IGSF11: variants seen among roughly 807,000 people sequenced by gnomAD.
IGSF11 encodes the protein CXADR like 1.
IGSF11 carries 22 observed loss-of-function variants against 41.0 expected under a neutral mutation model. The ratio of observed to expected loss-of-function variants is 0.54; its 90% CI spans 0.38 to 0.77. The LOEUF is 0.77. IGSF11 is among the 30% of genes least tolerant of loss of function. IGSF11 has a pLI of 0.00. For missense variants in IGSF11, 444 were observed against 530.8 expected (o/e 0.84, Z 1.61); for synonymous variants, 219 against 201.3 (o/e 1.09, Z -0.74).
rs370456806 is a variant in IGSF11 at position 118,926,299 on chromosome 3, G to A, written c.425-43C>T. 11 of 1,466,060 alleles carry A rather than the reference G, an allele frequency of 7.5e-6. No homozygotes were observed. In the African/African-American group the frequency reaches 8.5e-5, roughly 11 times the overall value. 90.8% of individuals were successfully genotyped at this position (1,466,060 alleles called of 1,614,324 possible). ...AGCAATAAAGTACACATTTTACTGT[G>A]AGCCATGTGATGATGGAGGAGACAT... On this transcript the variant is annotated intron_variant, in intron 3 of 6. Transcript: ENST00000393775.
At chr3:119,046,229 G>C (rs1247593585) in intron 1 of IGSF11, among the ~76,000 whole-genome samples, 3 of 148,568 alleles carry the variant, frequency 2.0e-5, no homozygotes, top group South Asian at 2.2e-4. Context: ...CAAAGGCAAA[G>C]AAGTTGAAAA....
upstream of IGSF11, among the ~76,000 whole-genome samples, chr3:119,035,303 A>G (rs1940843036): frequency 6.6e-6 from 1 of 152,244 alleles, no homozygotes; most frequent in Non-Finnish European, 1.5e-5. Flanking sequence ...TAAAACCTAA[A>G]TAATCTGAAA....
intron 1 of IGSF11, among the ~76,000 whole-genome samples, chr3:119,052,001 G>T (rs1270542052): frequency 6.6e-6 from 1 of 152,072 alleles, no homozygotes; most frequent in Non-Finnish European, 1.5e-5. Context: ...AAAGTTCATA[G>T]CATTAAATGC....
chr3:119,092,739 C>T (rs543707459), intron 1 of IGSF11, among the ~76,000 whole-genome samples: 1 of 152,318 alleles, frequency 6.6e-6, no homozygotes, highest in South Asian at 2.1e-4. Context: ...GTCCTGCAAG[C>T]TCCATTCATG....
Position 118,930,304 on chromosome 3 carries a change from T to C in IGSF11, c.53-29A>G, listed in dbSNP as rs928525694. The stretch of plus-strand genomic sequence containing the variant: ...CAGAAGAAGGAACAGGGAGGTTATA[T>C]GCTCGCCCTTTCCCAACAGTCCAAA... On this transcript the variant is annotated intron_variant, in intron 1 of 6. Coordinates refer to ENST00000393775, the MANE Select transcript of IGSF11 (RefSeq NM_001015887.3). 4.4e-6 allele frequency: 7 copies of C among 1,589,478 alleles called. No individual in the cohort carries two copies. The East Asian group carries it at 6.7e-5, about 15-fold the overall frequency.
chr3:118,952,514 G>T lies in IGSF11; in HGVS notation c.53-22239C>A, dbSNP rs150215298. On this transcript the variant is annotated intron_variant, in intron 1 of 6. Coordinates refer to ENST00000393775, the MANE Select transcript of IGSF11 (RefSeq NM_001015887.3). The stretch of plus-strand genomic sequence containing the variant: ...TCACCAGGAGTAGATTCCATCTCAA[G>T]AAACCATTTTCTTTGCTCATCCAGA... Among the ~76,000 whole-genome samples the T allele has an allele frequency of 3.0e-3, 459 of 152,210 alleles. 2 individuals carry two copies. The highest frequency in any genetic ancestry group is 0.014 in the Middle Eastern group (4 of 294).
chr3:119,032,523 C>T (rs902767463), intron 1 of IGSF11, among the ~76,000 whole-genome samples: 1 of 152,126 alleles, frequency 6.6e-6, no homozygotes, highest in African/African-American at 2.4e-5. Context: ...CTATCTTGCC[C>T]CCAACTACTT....
At chr3:119,061,879 T>C (rs946549375) in intron 1 of IGSF11, among the ~76,000 whole-genome samples, 3 of 152,146 alleles carry the variant, frequency 2.0e-5, no homozygotes, top group Non-Finnish European at 1.5e-5. Context: ...TAGTGTATAT[T>C]TCTTGATGTC....
intron 3 of IGSF11, among the ~76,000 whole-genome samples, chr3:118,927,099 G>C (rs561801132): frequency 4.1e-4 from 62 of 151,982 alleles, no homozygotes; most frequent in African/African-American, 1.4e-3. Context: ...AAAAAAAAAA[G>C]TGGGTAGGGG....
At chr3:119,105,420 A>C (rs560306297), upstream of IGSF11, among the ~76,000 whole-genome samples, 4 of 152,272 alleles carry the variant, frequency 2.6e-5, no homozygotes, top group African/African-American at 9.6e-5. Flanking sequence ...AAGCTACCCC[A>C]AACTAGATCT....
At chr3:119,144,135 C>G (rs2077687273) in intron 1 of IGSF11, among the ~76,000 whole-genome samples, 1 of 151,874 alleles carries the variant, frequency 6.6e-6, no homozygotes, top group Non-Finnish European at 1.5e-5. Flanking sequence ...CAGACAGCCT[C>G]AACCTCCTGG....
At chr3:119,001,794 C>T (rs1459225712) in intron 1 of IGSF11, among the ~76,000 whole-genome samples, 52 of 147,182 alleles carry the variant, frequency 3.5e-4, no homozygotes, top group Non-Finnish European at 6.8e-4. Flanking sequence ...CTACAAAGGA[C>T]ATGAACTCAT....
chr3:119,142,945 C>T (rs1413522496), intron 1 of IGSF11, among the ~76,000 whole-genome samples: 1 of 152,080 alleles, frequency 6.6e-6, no homozygotes, highest in East Asian at 1.9e-4. Flanking sequence ...AGTAAGACAA[C>T]ATATTTACAG....
intron 3 of IGSF11, among the ~76,000 whole-genome samples, chr3:118,928,273 T>G (rs573717600): frequency 6.6e-6 from 1 of 152,222 alleles, no homozygotes; most frequent in East Asian, 1.9e-4. Context: ...ACCATCTTTC[T>G]TCACCTTCAG....
intron 2 of IGSF11, among the ~76,000 whole-genome samples, chr3:118,929,254 G>A (rs1278361673): frequency 6.6e-6 from 1 of 152,176 alleles, no homozygotes; most frequent in Non-Finnish European, 1.5e-5. Flanking sequence ...GAGGGACTCA[G>A]TTCTATTCAA....
intron 1 of IGSF11, chr3:119,145,810 T>G: frequency 5.1e-6 from 1 of 195,072 alleles, no homozygotes; most frequent in Non-Finnish European, 1.1e-5. Context: ...AGAGGAGCAG[T>G]ACCTGAGAGA....
intron 1 of IGSF11, among the ~76,000 whole-genome samples, chr3:118,944,603 G>C (rs1943977443): frequency 6.6e-6 from 1 of 151,766 alleles, no homozygotes; most frequent in Admixed American, 6.6e-5. Flanking sequence ...ATGACACCCT[G>C]TACTTCCTTG....
At chr3:119,083,450 C>T (rs2076617352) in intron 1 of IGSF11, among the ~76,000 whole-genome samples, 1 of 151,936 alleles carries the variant, frequency 6.6e-6, no homozygotes, top group African/African-American at 2.4e-5. Context: ...TCCTATCCCT[C>T]CTGGGAATAA....
intron 1 of IGSF11, among the ~76,000 whole-genome samples, chr3:118,995,074 T>C (rs972390020): frequency 2.0e-5 from 3 of 152,224 alleles, no homozygotes; most frequent in African/African-American, 7.2e-5. Context: ...AGACTATGCA[T>C]ATGCTACAAA....
Sources: gnomAD v4.1 joint callset for allele counts (sites outside exome capture counted in the v4.1 genomes callset) on GRCh38, gnomAD v4.1.1 for gene constraint, MANE v1.5 for transcripts, NCBI Gene and HGNC (gene_info 2026-07-23, HGNC 2026-07-21) for gene names.